Variants in PHF20 observed in about 807,000 individuals in gnomAD.
PHF20 encodes glioma-expressed antigen 2.
Under a neutral mutation model 113.5 loss-of-function variants are expected in PHF20, and 23 were observed. The ratio of observed to expected loss-of-function variants is 0.20; its 90% confidence interval spans 0.15 to 0.29. The LOEUF (loss-of-function observed/expected upper bound fraction) is 0.29, where lower values mean the gene tolerates loss of function less well. PHF20 is among the 10% of genes least tolerant of loss of function. The probability of loss-of-function intolerance (pLI) is 1.00; values close to 1 mark genes in which losing one functional copy is unlikely to be tolerated. For synonymous variants in PHF20, 434 were observed against 457.3 expected, an observed-to-expected ratio of 0.95 and a Z score of 0.65; for missense variants, 943 against 1,219.6, an observed-to-expected ratio of 0.77 and a Z score of 3.38.
chr20:35,929,772 C>T (rs1489141536), intron 14 of PHF20, among the ~76,000 whole-genome samples: 1 of 152,232 alleles, frequency 6.6e-6, no homozygotes, highest in Non-Finnish European at 1.5e-5. Flanking sequence ...TTGAACTGAG[C>T]ACAGCATGTC....
At chr20:35,875,158 G>T (rs567344229) in intron 9 of PHF20, among the ~76,000 whole-genome samples, 1 of 152,128 alleles carries the variant, frequency 6.6e-6, no homozygotes, top group South Asian at 2.1e-4. Flanking sequence ...AGCACTCTCG[G>T]ATGCCTAGGC....
At chr20:35,800,400 G>C (rs2041755913) in intron 1 of PHF20, among the ~76,000 whole-genome samples, 1 of 132,020 alleles carries the variant, frequency 7.6e-6, no homozygotes, top group Non-Finnish European at 1.6e-5. Context: ...ACTCCAGCCT[G>C]GGCGACAAGA....
intron 1 of PHF20, among the ~76,000 whole-genome samples, chr20:35,791,537 GTA>G (rs59752864): frequency 0.084 from 10,724 of 127,000 alleles, 630 homozygotes; most frequent in African/African-American, 0.16. Context: ...TTAGAATAGT[GTA>G]TATATATATA....
intron 10 of PHF20, among the ~76,000 whole-genome samples, chr20:35,903,233 T>G (rs2055138189): frequency 6.6e-6 from 1 of 152,024 alleles, no homozygotes; most frequent in South Asian, 2.1e-4. Context: ...TGGAGATTTT[T>G]GTTTACCAGT....
intron 5 of PHF20, among the ~76,000 whole-genome samples, chr20:35,861,516 G>A (rs2054217980): frequency 6.6e-6 from 1 of 152,114 alleles, no homozygotes; most frequent in Admixed American, 6.5e-5. Context: ...CAGCTATGTA[G>A]TATTCTGTAA....
intron 2 of PHF20, among the ~76,000 whole-genome samples, chr20:35,825,150 C>T (rs776903995): frequency 6.6e-6 from 1 of 152,154 alleles, no homozygotes; most frequent in Non-Finnish European, 1.5e-5. Context: ...TTCGTAGTAG[C>T]TGCACCATTT....
intron 6 of PHF20, among the ~76,000 whole-genome samples, chr20:35,867,224 G>A (rs567693733): frequency 4.5e-4 from 68 of 152,134 alleles, no homozygotes; most frequent in African/African-American, 1.6e-3. Flanking sequence ...TTGGGAACAG[G>A]ATCTGAGCTA....
At chr20:35,945,196 C>T (rs1268897202) in intron 17 of PHF20, among the ~76,000 whole-genome samples, 1 of 152,116 alleles carries the variant, frequency 6.6e-6, no homozygotes, top group Non-Finnish European at 1.5e-5. Flanking sequence ...TTTGCTGGAC[C>T]ACACATTCCT....
At chr20:35,838,259 T>G (rs1229597418) in intron 2 of PHF20, 3 of 152,216 alleles carry the variant, frequency 2.0e-5, no homozygotes, top group South Asian at 2.1e-4. Context: ...TATGTAATTA[T>G]GTACTTTTAA....
At chr20:35,802,710 G>A (rs1193433403) in intron 2 of PHF20, among the ~76,000 whole-genome samples, 1 of 151,914 alleles carries the variant, frequency 6.6e-6, no homozygotes, top group African/African-American at 2.4e-5. Flanking sequence ...GGCCGAGGTG[G>A]GTGGATCACC....
At chr20:35,780,889 T>C (rs1014570037) in intron 1 of PHF20, among the ~76,000 whole-genome samples, 7 of 142,490 alleles carry the variant, frequency 4.9e-5, no homozygotes, top group African/African-American at 1.9e-4. Flanking sequence ...AGTTTCACCT[T>C]GTAGCCCAGG....
intron 1 of PHF20, among the ~76,000 whole-genome samples, chr20:35,779,129 G>A (rs1322449456): frequency 2.0e-5 from 3 of 151,420 alleles, no homozygotes; most frequent in African/African-American, 4.9e-5. Context: ...TCTGCCTCCC[G>A]GATTCAAGTG....
chr20:35,820,599 C>T (rs2146900647), intron 2 of PHF20, among the ~76,000 whole-genome samples: 1 of 152,050 alleles, frequency 6.6e-6, no homozygotes, highest in Admixed American at 6.6e-5. Context: ...CAGGTGCCTG[C>T]CACCATGCCC....
At chr20:35,845,161 T>C (rs1001578833) in intron 3 of PHF20, among the ~76,000 whole-genome samples, 5 of 152,062 alleles carry the variant, frequency 3.3e-5, no homozygotes, top group Non-Finnish European at 7.4e-5. Flanking sequence ...GGGTCTGACT[T>C]ACTTCAATTA....
At chr20:35,836,765 A>AC (rs1462132922) in intron 2 of PHF20, among the ~76,000 whole-genome samples, 2 of 139,192 alleles carry the variant, frequency 1.4e-5, no homozygotes, top group Non-Finnish European at 3.1e-5. Flanking sequence ...AATGGCGTGA[A>AC]CCCCCGGCGG....
intron 2 of PHF20, among the ~76,000 whole-genome samples, chr20:35,808,493 G>A (rs1447732914): frequency 6.6e-6 from 1 of 151,716 alleles, no homozygotes. Flanking sequence ...TTCAGCCTGA[G>A]TAATGTTGAA....
At chr20:35,935,452 T>A (rs908926159) in intron 15 of PHF20, among the ~76,000 whole-genome samples, 3 of 152,222 alleles carry the variant, frequency 2.0e-5, no homozygotes, top group Admixed American at 6.5e-5. Flanking sequence ...CTACAACTTC[T>A]GCCTCCCGAG....
intron 1 of PHF20, among the ~76,000 whole-genome samples, chr20:35,799,061 T>A (rs1391439399): frequency 6.6e-6 from 1 of 152,128 alleles, no homozygotes; most frequent in Non-Finnish European, 1.5e-5. Flanking sequence ...TGTGATTTTT[T>A]TCCATACTCA....
rs182242136 is a variant in PHF20 at position 35,863,267 on chromosome 20, C to T, written c.675C>T (p.Ser225=). The T allele has an allele frequency of 2.2e-5, 35 of 1,614,038 alleles. No individual in the cohort carries two copies. The East Asian group carries it at 2.7e-4, about 12-fold the overall frequency. The change falls in exon 6 of 18, where the codon TCC becomes TCT. Residue 225 remains serine (S), a synonymous_variant. Transcript: ENST00000374012. Reference sequence around the variant, plus strand: ...AGAAGGAAGACAAGGAAAACATTTCCGAAAATGACAGAGAGTATTCTGGAG... The same window carrying T: ...AGAAGGAAGACAAGGAAAACATTTCTGAAAATGACAGAGAGTATTCTGGAG... ...KNEKEDKENI[S]ENDREYSGDA... is the part of the protein sequence containing the mutation.
Sources: gnomAD v4.1 joint callset for allele counts (sites outside exome capture counted in the v4.1 genomes callset) on GRCh38, gnomAD v4.1.1 for gene constraint, MANE v1.5 for transcripts, NCBI Gene and HGNC (gene_info 2026-07-23, HGNC 2026-07-21) for gene names.